ADGRA3: variants seen among roughly 807,000 people sequenced by gnomAD.
ADGRA3 encodes the protein G-protein coupled receptor 125.
ADGRA3 carries 56 observed loss-of-function variants against 119.8 expected under a neutral mutation model. The observed-to-expected ratio is 0.47, with a 90% CI of 0.38 to 0.58. The LOEUF (loss-of-function observed/expected upper bound fraction) is 0.58. Among genes scored for constraint, ADGRA3 ranks in the 20% least tolerant of loss-of-function variants. ADGRA3 has a pLI of 0.00. For missense variants in ADGRA3, 1,516 were observed against 1,649.0 expected (o/e 0.92, Z 1.40); for synonymous variants, 607 against 623.8 (o/e 0.97, Z 0.40).
In ADGRA3 at chr4:22,413,833, A is replaced by AT. The variant is rs750160247; in HGVS notation, c.1810-20dup. On this transcript the variant is annotated intron_variant, in intron 12 of 18. Transcript: ENST00000334304. ...TAGTATTCTGAAAAAATATATATAC[A>AT]TAAAAAAAGCTCACTACATTAGTAC... 2.0e-6 allele frequency: 3 copies of AT among 1,537,376 alleles called. No homozygotes were observed. Among genetic ancestry groups the AT allele is most frequent in the Non-Finnish European group, 2.7e-6 (3 of 1,131,728 alleles).
chr4:22,435,561 C>T (rs1035965673), intron 9 of ADGRA3, 95 bp from the exon 10 acceptor site: 43 of 1,105,036 alleles, frequency 3.9e-5, no homozygotes, highest in Admixed American at 1.2e-4. Context: ...AAAACAGCAA[C>T]GAATTAAAAA....
At chr4:22,479,441 C>T (rs987000159) in intron 1 of ADGRA3, among the ~76,000 whole-genome samples, 186 of 147,644 alleles carry the variant, frequency 1.3e-3, no homozygotes, top group Admixed American at 6.9e-3. Flanking sequence ...CCAGCCTGGG[C>T]GACAGAGCGA....
Position 22,388,202 on chromosome 4 carries a change from G to A in ADGRA3, c.3469C>T (p.Pro1157Ser). The change falls in exon 19 of 19, where the codon CCT (proline) becomes TCT (serine). Residue 1157 changes from proline to serine, a missense_variant. Physicochemically the swap from Pro to Ser is moderately conservative, Grantham distance 74. Coordinates refer to ENST00000334304, the MANE Select transcript of ADGRA3 (RefSeq NM_145290.4). ...MDNDIKMHVAPLEVQFRTNVH... is the reference protein window; with the variant it reads ...MDNDIKMHVASLEVQFRTNVH... ...TTTGTTCGAAACTGAACTTCTAAAG[G>A]CGCCACGTGCATTTTAATATCATTG... 6.2e-7 allele frequency: 1 copy of A among 1,614,032 alleles called. No homozygotes were observed. The highest frequency in any genetic ancestry group is 2.2e-5 in the East Asian group (1 of 44,856).
intron 3 of ADGRA3, among the ~76,000 whole-genome samples, chr4:22,456,044 C>T (rs978572439): frequency 3.3e-5 from 5 of 152,104 alleles, no homozygotes; most frequent in Admixed American, 6.5e-5. Flanking sequence ...ACGCATTCTT[C>T]GAGTTACTCT....
intron 14 of ADGRA3, among the ~76,000 whole-genome samples, chr4:22,406,750 A>G (rs996279807): frequency 6.6e-6 from 1 of 152,166 alleles, no homozygotes; most frequent in Admixed American, 6.5e-5. Context: ...TCCTGCCGAA[A>G]AATGAACCTA....
intron 16 of ADGRA3, chr4:22,394,195 A>G (rs796335757): frequency 1.9e-4 from 29 of 152,274 alleles, no homozygotes; most frequent in African/African-American, 7.0e-4. Flanking sequence ...TCAAAGGTCG[A>G]TAATAAAATT....
chr4:22,505,611 C>T (rs1719209434), intron 1 of ADGRA3, among the ~76,000 whole-genome samples: 1 of 148,240 alleles, frequency 6.7e-6, no homozygotes, highest in African/African-American at 2.5e-5. Flanking sequence ...CGCGCCACTG[C>T]ACTCCAAGCT....
intron 1 of ADGRA3, among the ~76,000 whole-genome samples, chr4:22,494,935 C>A (rs1416781461): frequency 6.6e-6 from 1 of 151,976 alleles, no homozygotes; most frequent in African/African-American, 2.4e-5. Context: ...ACTCTACATA[C>A]ACTGCTTTTT....
At chr4:22,506,604 A>G (rs888290181) in intron 1 of ADGRA3, among the ~76,000 whole-genome samples, 11 of 152,170 alleles carry the variant, frequency 7.2e-5, no homozygotes, top group Non-Finnish European at 1.6e-4. Context: ...AGTATCTGCA[A>G]TGTGCTCAGT....
intron 4 of ADGRA3, among the ~76,000 whole-genome samples, chr4:22,450,152 T>C (rs1369053717): frequency 2.0e-5 from 3 of 151,834 alleles, no homozygotes; most frequent in African/African-American, 7.3e-5. Context: ...CATAAATAAA[T>C]AAAACTAAGA....
At position 22,447,494 on chromosome 4, in the gene ADGRA3, AAATTCCCCG is replaced by A; in HGVS notation, c.482_490del (p.Ser161_Asn163del). ...AGTTCCTTGAGATAATGAAGAAAAC[AAATTCCCCG>A]AAAGGTTTCTGAAAGACAGAAAACA... On this transcript the variant is annotated inframe_deletion, in exon 5 of 19. Coordinates refer to ENST00000334304, the MANE Select transcript of ADGRA3 (RefSeq NM_145290.4). 1 of 1,575,832 alleles carries A rather than the reference AAATTCCCCG, an allele frequency of 6.3e-7. No individual in the cohort carries two copies. The highest frequency in any genetic ancestry group is 8.6e-7 in the Non-Finnish European group (1 of 1,161,162).
chr4:22,413,093 AAAAAAC>A, intron 14 of ADGRA3, 83 bp downstream of exon 14: 1 of 1,053,480 alleles, frequency 9.5e-7, no homozygotes, highest in Admixed American at 2.2e-5. Flanking sequence ...AAAAAAAAAC[AAAAAAC>A]AAAAAAACAC....
chr4:22,427,590 G>A (rs1715995204), intron 10 of ADGRA3, among the ~76,000 whole-genome samples: 2 of 152,102 alleles, frequency 1.3e-5, no homozygotes, highest in Non-Finnish European at 2.9e-5. Flanking sequence ...GGGATTTGTT[G>A]CCAAAATATT....
intron 1 of ADGRA3, among the ~76,000 whole-genome samples, chr4:22,497,295 T>C (rs1443152977): frequency 9.9e-5 from 15 of 152,190 alleles, no homozygotes; most frequent in African/African-American, 3.4e-4. Flanking sequence ...AAATTAACTT[T>C]TTTTAAAAAG....
intron 16 of ADGRA3, among the ~76,000 whole-genome samples, chr4:22,396,789 A>C (rs1178684276): frequency 6.6e-6 from 1 of 150,920 alleles, no homozygotes; most frequent in Non-Finnish European, 1.5e-5. Flanking sequence ...GTAAACCTTT[A>C]ATGGCATTTG....
At chr4:22,408,837 T>A (rs1715065542) in intron 14 of ADGRA3, among the ~76,000 whole-genome samples, 1 of 152,220 alleles carries the variant, frequency 6.6e-6, no homozygotes, top group South Asian at 2.1e-4. Flanking sequence ...AGCAGCTTTT[T>A]CTTGACACCC....
At chr4:22,450,454 C>T (rs531644034) in intron 4 of ADGRA3, among the ~76,000 whole-genome samples, 11 of 151,906 alleles carry the variant, frequency 7.2e-5, no homozygotes, top group East Asian at 5.8e-4. Context: ...TTAGTAGGGA[C>T]GAGGTTTCAT....
Position 22,401,553 on chromosome 4 carries a change from A to T in ADGRA3, c.2359T>A (p.Leu787Met), listed in dbSNP as rs752771993. The T allele has an allele frequency of 6.2e-7, 1 of 1,601,630 alleles. No individual in the cohort carries two copies. Among genetic ancestry groups the T allele is most frequent in the South Asian group, 1.1e-5 (1 of 88,464 alleles). ...CAGCTCTTGAGGCTGATTCTAATCA[A>T]ACTGTTTAAAAAAGAGAGAAAATAT... ...VIVSYIYHHS[L>M]IRISLKSWHM... Residue 787 changes from leucine (L) to methionine (M), a missense_variant and splice_region_variant, in exon 16 of 19, where the codon TTG becomes ATG. By Grantham distance (15) the Leu-to-Met change is conservative. Around this residue, in one of 2 missense-constraint regions of ADGRA3, gnomAD observed 1,088 missense variants for 1,107.1 expected, o/e 0.98. Coordinates refer to ENST00000334304, the MANE Select transcript of ADGRA3 (RefSeq NM_145290.4).
Position 22,388,524 on chromosome 4 carries a change from A to G in ADGRA3, c.3147T>C (p.Asn1049=), listed in dbSNP as rs1453607634. 6 of 1,614,114 alleles carry G rather than the reference A, an allele frequency of 3.7e-6. No homozygotes were observed. Among genetic ancestry groups the G allele is most frequent in the South Asian group, 1.1e-5 (1 of 91,080 alleles). Residue 1049 remains asparagine (N), a synonymous_variant, in exon 19 of 19, where the codon AAT becomes AAC. Transcript: ENST00000334304. ...TCCACGCAAGTCTAACATCCTCCCT[A>G]TTAACACAATGGTGGACCACGAAGA... The part of the protein sequence containing the change: ...SAFFVVHHCV[N]REDVRLAWIM...
Sources: allele counts gnomAD v4.1 joint callset (sites outside exome capture counted in the v4.1 genomes callset), GRCh38; gene constraint gnomAD v4.1.1; regional missense constraint gnomAD v4.1.1; transcripts MANE v1.5; gene names NCBI Gene and HGNC (gene_info 2026-07-23, HGNC 2026-07-21).